Variants in KIRREL1 observed in about 807,000 individuals in gnomAD.
KIRREL1 encodes the protein kin of IRRE-like protein 1.
In KIRREL1, 25 loss-of-function variants were observed where a neutral mutation model predicts 83.3. The observed-to-expected ratio is 0.30, with a 90% CI of 0.22 to 0.42. KIRREL1 has a LOEUF of 0.42. KIRREL1 is among the 10% of genes least tolerant of loss of function. KIRREL1 has a pLI of 1.00. For missense variants in KIRREL1, 812 were observed against 1,032.3 expected (o/e 0.79, Z 2.92); for synonymous variants, 388 against 410.4 (o/e 0.95, Z 0.66).
intron 1 of KIRREL1, among the ~76,000 whole-genome samples, chr1:158,033,510 T>G (rs1372936089): frequency 6.6e-6 from 1 of 152,218 alleles, no homozygotes; most frequent in African/African-American, 2.4e-5. Flanking sequence ...CTTTTTGGCA[T>G]CAGTGCTCCA....
At chr1:158,062,419 G>A (rs1455215769) in intron 1 of KIRREL1, among the ~76,000 whole-genome samples, 1 of 152,240 alleles carries the variant, frequency 6.6e-6, no homozygotes, top group East Asian at 1.9e-4. Flanking sequence ...CCCTGTACGT[G>A]TAGAATGAAC....
intron 1 of KIRREL1, among the ~76,000 whole-genome samples, chr1:158,074,653 AGGAATTGGGCTAGGAGGGCTTCCT>A (rs1661617201): frequency 1.3e-5 from 2 of 152,210 alleles, no homozygotes; most frequent in East Asian, 1.9e-4. Flanking sequence ...CAAGAGGCCA[AGGAATTGGGCTAGGAGGGCTTCCT>A]GGAAGAGGGA....
Position 158,088,473 on chromosome 1 carries a change from G to GTTTT in KIRREL1, c.1044+21_1044+22insTTTT. 1 of 728,142 alleles carries GTTTT rather than the reference G, an allele frequency of 1.4e-6. No individual in the cohort carries two copies. 45.1% of individuals were successfully genotyped at this position (728,142 alleles called of 1,614,324 possible). ...AAATATGGTAAGACTCTTACTGCCT[G>GTTTT]TTCTTTTTTTTTTTTTTTTTTTTTT... On this transcript the variant is annotated intron_variant, in intron 8 of 14. Transcript: ENST00000359209.
At chr1:158,068,475 G>C (rs1661415348) in intron 1 of KIRREL1, among the ~76,000 whole-genome samples, 2 of 152,160 alleles carry the variant, frequency 1.3e-5, no homozygotes, top group Non-Finnish European at 2.9e-5. Flanking sequence ...AAAATCAACA[G>C]ACCCAGACCC....
Position 158,096,156 on chromosome 1 carries a change from C to T in KIRREL1, c.*1036C>T, listed in dbSNP as rs984029861. On this transcript the variant is annotated 3_prime_UTR_variant, in exon 15 of 15. Coordinates refer to ENST00000359209, the MANE Select transcript of KIRREL1 (RefSeq NM_018240.7). ...AAGGAAAGGTAGTACCTATTCTTCT[C>T]CATGGGGTTCCTAACACCCTCCATT... The T allele has an allele frequency of 1.1e-5, 2 of 175,594 alleles. No individual in the cohort carries two copies. The highest frequency in any genetic ancestry group is 4.8e-5 in the African/African-American group (2 of 41,902). 10.9% of individuals were successfully genotyped at this position (175,594 alleles called of 1,614,324 possible).
rs766008493 is a variant in KIRREL1 at position 158,032,507 on chromosome 1, G to A, written c.52+38779G>A. ...AGGGAACTTGTCTCTGGAATTAGTA[G>A]GAGTCAGAAGGCAACTGAAGGCAGA... On this transcript the variant is annotated intron_variant, in intron 1 of 14. Transcript: ENST00000359209. 5.0e-4 allele frequency among the ~76,000 whole-genome samples: 76 copies of A among 152,184 alleles called. 1 individual carries two copies. The highest frequency in any genetic ancestry group is 5.2e-4 in the Admixed American group (8 of 15,288).
At chr1:158,083,617 T>C (rs897098987) in intron 3 of KIRREL1, among the ~76,000 whole-genome samples, 8 of 152,198 alleles carry the variant, frequency 5.3e-5, no homozygotes, top group African/African-American at 1.7e-4. Flanking sequence ...AATAACCTGC[T>C]AGCAGTGTGA....
At chr1:158,047,114 A>G (rs1470259671) in intron 1 of KIRREL1, among the ~76,000 whole-genome samples, 1 of 152,226 alleles carries the variant, frequency 6.6e-6, no homozygotes, top group Non-Finnish European at 1.5e-5. Flanking sequence ...ATGTGACTCC[A>G]TAGAGAAGAA....
In KIRREL1 at chr1:157,993,663, G is replaced by C; in HGVS notation, c.-14G>C. The C allele has an allele frequency of 6.8e-7, 1 of 1,471,510 alleles. No individual in the cohort carries two copies. The highest frequency in any genetic ancestry group is 9.0e-7 in the Non-Finnish European group (1 of 1,108,508). The allele number at this position is 1,471,510 out of a possible 1,614,324, so 91.2% of individuals were successfully genotyped here. On this transcript the variant is annotated 5_prime_UTR_variant, in exon 1 of 15. Coordinates refer to ENST00000359209, the MANE Select transcript of KIRREL1 (RefSeq NM_018240.7). ...GGGCCCCAGCCGCGGGCGGGCGCAC[G>C]GCGGGCGGACAGCATGCTGAGCCTC...
chr1:158,067,808 C>T (rs1408543), intron 1 of KIRREL1, among the ~76,000 whole-genome samples: 24 of 152,330 alleles, frequency 1.6e-4, no homozygotes, highest in Admixed American at 1.4e-3. Context: ...AGGCCCAGAA[C>T]AGTAAGCCTT....
intron 8 of KIRREL1, among the ~76,000 whole-genome samples, chr1:158,088,968 A>G (rs557692985): frequency 1.3e-5 from 2 of 150,864 alleles, no homozygotes; most frequent in African/African-American, 2.4e-5. Flanking sequence ...GGGGGGACAA[A>G]CTCACCTGTG....
intron 1 of KIRREL1, among the ~76,000 whole-genome samples, chr1:158,012,298 ACCTT>A (rs1659710998): frequency 6.6e-6 from 1 of 152,132 alleles, no homozygotes; most frequent in African/African-American, 2.4e-5. Context: ...GATGCTTTTC[ACCTT>A]CTGGAAAAAA....
At chr1:158,003,925 G>A (rs1193503848) in intron 1 of KIRREL1, among the ~76,000 whole-genome samples, 1 of 152,198 alleles carries the variant, frequency 6.6e-6, no homozygotes, top group Non-Finnish European at 1.5e-5. Context: ...CTGTGCCTGA[G>A]GGATTTAGTT....
chr1:158,081,268 G>A (rs752178589), intron 3 of KIRREL1, among the ~76,000 whole-genome samples: 3 of 152,102 alleles, frequency 2.0e-5, no homozygotes, highest in Non-Finnish European at 4.4e-5. Flanking sequence ...TATCCTCTTC[G>A]AGCCTCCGTT....
Position 158,095,003 on chromosome 1 carries a change from C to G in KIRREL1, c.2157C>G (p.Thr719=). 1.2e-6 allele frequency: 2 copies of G among 1,614,008 alleles called. No homozygotes were observed. The highest frequency in any genetic ancestry group is 1.7e-6 in the Non-Finnish European group (2 of 1,179,976). ...PQAPPSGLER[T]PYEAYDPIGK... Reference sequence around the variant, plus strand: ...CCCCACCCTCTGGCCTGGAGCGGACCCCATATGAGGCGTATGACCCCATTG... The same window carrying G: ...CCCCACCCTCTGGCCTGGAGCGGACGCCATATGAGGCGTATGACCCCATTG... Residue 719 remains threonine (T), a synonymous_variant, in exon 15 of 15, where the codon ACC becomes ACG. Transcript: ENST00000359209.
intron 10 of KIRREL1, 78 bp downstream of exon 10, chr1:158,089,896 G>A: frequency 1.5e-6 from 2 of 1,291,328 alleles, no homozygotes; most frequent in Admixed American, 1.8e-5. Context: ...CACTTCTGCT[G>A]GTTTTGCTCC....
At chr1:158,053,398 T>G (rs952906855) in intron 1 of KIRREL1, among the ~76,000 whole-genome samples, 1 of 152,222 alleles carries the variant, frequency 6.6e-6, no homozygotes, top group Non-Finnish European at 1.5e-5. Context: ...AAGGTTGCCA[T>G]GCACAAGTAG....
At chr1:158,058,518 G>A (rs1661127750) in intron 1 of KIRREL1, among the ~76,000 whole-genome samples, 1 of 151,984 alleles carries the variant, frequency 6.6e-6, no homozygotes, top group African/African-American at 2.4e-5. Flanking sequence ...CCCTCAAAGT[G>A]ACCCCCATGG....
At chr1:158,048,616 G>A (rs1355100149) in intron 1 of KIRREL1, among the ~76,000 whole-genome samples, 1 of 152,170 alleles carries the variant, frequency 6.6e-6, no homozygotes, top group African/African-American at 2.4e-5. Context: ...ACACAGGGAG[G>A]TGAAGTGAAA....
Sources: gnomAD v4.1 joint callset for allele counts (sites outside exome capture counted in the v4.1 genomes callset) on GRCh38, gnomAD v4.1.1 for gene constraint, MANE v1.5 for transcripts, NCBI Gene and HGNC (gene_info 2026-07-23, HGNC 2026-07-21) for gene names.